SLCO6A1: variants seen among roughly 807,000 people sequenced by gnomAD.
SLCO6A1 encodes cancer/testis antigen 48.
A neutral mutation model predicts 72.7 loss-of-function variants in SLCO6A1; 65 were observed. The observed-to-expected ratio is 0.89, with a 90% CI of 0.73 to 1.10. The LOEUF is 1.10. SLCO6A1 is among the 50% of genes least tolerant of loss of function. The probability of loss-of-function intolerance (pLI) is 0.00; values close to 1 mark genes in which losing one functional copy is unlikely to be tolerated. For synonymous variants in SLCO6A1, 314 were observed against 298.2 expected, an observed-to-expected ratio of 1.05 and a Z score of -0.55; for missense variants, 874 against 872.6, an observed-to-expected ratio of 1.00 and a Z score of -0.02.
chr5:102,470,919 G>C (rs1373184710), intron 4 of SLCO6A1, among the ~76,000 whole-genome samples: 1 of 152,036 alleles, frequency 6.6e-6, no homozygotes, highest in Admixed American at 6.6e-5. Context: ...TTTGTTTAGT[G>C]CACTGGTTTT....
intron 10 of SLCO6A1, among the ~76,000 whole-genome samples, chr5:102,399,146 A>G (rs1747259898): frequency 6.6e-6 from 1 of 152,156 alleles, no homozygotes; most frequent in African/African-American, 2.4e-5. Context: ...AAAAGTTATT[A>G]TGCTCCTTTG....
At chr5:102,489,205 C>T (rs909679777) in intron 1 of SLCO6A1, among the ~76,000 whole-genome samples, 1 of 152,300 alleles carries the variant, frequency 6.6e-6, no homozygotes, top group Non-Finnish European at 1.5e-5. Flanking sequence ...GCAGGATACA[C>T]GCAACCTCAG....
intron 8 of SLCO6A1, among the ~76,000 whole-genome samples, chr5:102,413,823 T>C (rs980382780): frequency 5.9e-5 from 9 of 152,156 alleles, no homozygotes; most frequent in Admixed American, 1.3e-4. Flanking sequence ...GTGTAGTAGT[T>C]TCATATTTTG....
At chr5:102,387,539 T>C (rs1052784057) in intron 12 of SLCO6A1, among the ~76,000 whole-genome samples, 5 of 152,192 alleles carry the variant, frequency 3.3e-5, no homozygotes, top group African/African-American at 1.2e-4. Flanking sequence ...TTTTGACTTC[T>C]CAAGTGTCAT....
At chr5:102,421,987 G>A (rs1206156937) in intron 7 of SLCO6A1, among the ~76,000 whole-genome samples, 1 of 152,194 alleles carries the variant, frequency 6.6e-6, no homozygotes, top group East Asian at 1.9e-4. Flanking sequence ...ACAGGGTCTG[G>A]AGTGGACCTC....
At chr5:102,492,619 G>C (rs1752732854) in intron 1 of SLCO6A1, among the ~76,000 whole-genome samples, 1 of 152,164 alleles carries the variant, frequency 6.6e-6, no homozygotes, top group African/African-American at 2.4e-5. Context: ...CAAGGGGTCA[G>C]AGAATTCCCT....
chr5:102,447,080 AT>A (rs1750153668), intron 6 of SLCO6A1, among the ~76,000 whole-genome samples: 1 of 152,140 alleles, frequency 6.6e-6, no homozygotes, highest in African/African-American at 2.4e-5. Context: ...CAAAAAGGAT[AT>A]TGAATTTTAT....
intron 7 of SLCO6A1, among the ~76,000 whole-genome samples, chr5:102,430,108 G>A (rs1011515143): frequency 2.0e-5 from 3 of 152,064 alleles, no homozygotes; most frequent in Non-Finnish European, 4.4e-5. Flanking sequence ...TCAGCTGGCT[G>A]TTGTTGGTGT....
chr5:102,443,908 A>G (rs7724920), intron 6 of SLCO6A1, among the ~76,000 whole-genome samples: 97,145 of 152,012 alleles, frequency 0.64, 31,237 homozygotes, highest in African/African-American at 0.66. Flanking sequence ...GAATAGTGCT[A>G]TACAGTAGCA....
At chr5:102,424,604 A>G (rs1443781538) in intron 7 of SLCO6A1, among the ~76,000 whole-genome samples, 1 of 152,136 alleles carries the variant, frequency 6.6e-6, no homozygotes, top group African/African-American at 2.4e-5. Flanking sequence ...GCCAGTAACA[A>G]GTTCTGAAAT....
chr5:102,411,014 G>C (rs1580374922), intron 9 of SLCO6A1, among the ~76,000 whole-genome samples: 1 of 152,128 alleles, frequency 6.6e-6, no homozygotes, highest in African/African-American at 2.4e-5. Context: ...GTGACCAAAA[G>C]GATAGTATTC....
intron 8 of SLCO6A1, among the ~76,000 whole-genome samples, chr5:102,419,109 C>A (rs1050303774): frequency 3.9e-5 from 6 of 152,122 alleles, no homozygotes; most frequent in Non-Finnish European, 7.4e-5. Flanking sequence ...AAAGTGGCTG[C>A]AAAAAGTTGC....
chr5:102,423,149 T>C (rs989826496), intron 7 of SLCO6A1, among the ~76,000 whole-genome samples: 4 of 151,982 alleles, frequency 2.6e-5, no homozygotes, highest in Non-Finnish European at 5.9e-5. Flanking sequence ...AAGGAAAAAC[T>C]AGTACCAGCC....
intron 4 of SLCO6A1, among the ~76,000 whole-genome samples, chr5:102,470,212 T>A (rs1751533641): frequency 6.6e-6 from 1 of 152,198 alleles, no homozygotes; most frequent in Admixed American, 6.6e-5. Flanking sequence ...TTCTAGTGAT[T>A]GGAATAGTTT....
At chr5:102,461,462 A>G (rs1751035247) in intron 4 of SLCO6A1, among the ~76,000 whole-genome samples, 1 of 152,078 alleles carries the variant, frequency 6.6e-6, no homozygotes, top group Non-Finnish European at 1.5e-5. Flanking sequence ...CATAGCCCCA[A>G]TGTTGGATGA....
At chr5:102,439,038 T>G (rs931306737) in intron 6 of SLCO6A1, among the ~76,000 whole-genome samples, 3 of 152,062 alleles carry the variant, frequency 2.0e-5, no homozygotes, top group African/African-American at 7.2e-5. Context: ...TTTTTATTTA[T>G]GGGCTTGGAA....
At chr5:102,493,608 A>G (rs1752782376) in intron 1 of SLCO6A1, among the ~76,000 whole-genome samples, 2 of 152,170 alleles carry the variant, frequency 1.3e-5, no homozygotes, top group South Asian at 2.1e-4. Flanking sequence ...TGCTTTTCCT[A>G]ATTTCTATTG....
chr5:102,384,795 C>T (rs1746315163), intron 12 of SLCO6A1, among the ~76,000 whole-genome samples: 1 of 152,058 alleles, frequency 6.6e-6, no homozygotes, highest in South Asian at 2.1e-4. Context: ...CACGTATTTA[C>T]TTTTACCACT....
chr5:102,473,492 T>A (rs1751734797), intron 4 of SLCO6A1, among the ~76,000 whole-genome samples: 1 of 151,976 alleles, frequency 6.6e-6, no homozygotes, highest in Non-Finnish European at 1.5e-5. Context: ...AAAGGCCTTG[T>A]ATTAAAAGCC....
Sources: gnomAD v4.1 joint callset for allele counts (sites outside exome capture counted in the v4.1 genomes callset) on GRCh38, gnomAD v4.1.1 for gene constraint, MANE v1.5 for transcripts, NCBI Gene and HGNC (gene_info 2026-07-23, HGNC 2026-07-21) for gene names.